The following GJB2 variants were observed in gnomAD, a reference collection of about 807,000 sequenced individuals.
GJB2 encodes gap junction beta-2 protein.
GJB2 carries 30 observed loss-of-function variants against 16.0 expected under a neutral mutation model. The ratio of observed to expected loss-of-function variants is 1.88; its 90% CI spans 1.41 to 2.55. The LOEUF (loss-of-function observed/expected upper bound fraction) is 2.55, where lower values mean the gene tolerates loss of function less well. Among genes scored for constraint, GJB2 ranks in the 30% most tolerant of loss-of-function variants. GJB2 has a pLI of 0.00. For synonymous variants in GJB2, 123 were observed against 119.1 expected (o/e 1.03, Z -0.21); for missense variants, 284 against 289.7 (o/e 0.98, Z 0.14).
At position 20,189,482 on chromosome 13, in the gene GJB2, TA is replaced by T. The variant is rs1566528961; in HGVS notation, c.99del (p.Met34Ter). On this transcript the variant is annotated frameshift_variant, in exon 2 of 2. Coordinates refer to ENST00000382848, the MANE Select transcript of GJB2 (RefSeq NM_004004.6). LOFTEE classifies it high-confidence loss of function. ...IWLTVLFIFRIMILVVAAKEV... is the reference protein window; with the variant it reads ...IWLTVLFIFRXMILVVAAKEV... ...TCCTTTGCAGCCACAACGAGGATCA[TA>T]ATGCGAAAAATGAAGAGGACGGTGA... 2.5e-6 allele frequency: 4 copies of T among 1,613,844 alleles called. No homozygotes were observed. The highest frequency in any genetic ancestry group is 8.5e-7 in the Non-Finnish European group (1 of 1,179,834).
At position 20,189,048 on chromosome 13, in the gene GJB2, CACAGTGTTGGG is replaced by C. The variant is rs876657693; in HGVS notation, c.523_533del (p.Pro175GlyfsTer31). On this transcript the variant is annotated frameshift_variant, in exon 2 of 2. Transcript: ENST00000382848. LOFTEE classifies it high-confidence loss of function. ...CCGTGGGCCGGGACACAAAGCAGTCCACAGTGTTGGGACAAGGCCAGGCGTTGCACTTCACC... is the reference window on the plus strand; with the variant it reads ...CCGTGGGCCGGGACACAAAGCAGTCCACAAGGCCAGGCGTTGCACTTCACC... 2.5e-6 allele frequency: 4 copies of C among 1,613,970 alleles called. No individual in the cohort carries two copies. The African/African-American group carries it at 5.3e-5, about 22-fold the overall frequency.
chr13:20,188,679 G>A lies in GJB2; in HGVS notation c.*222C>T, dbSNP rs1395303512. On this transcript the variant is annotated 3_prime_UTR_variant, in exon 2 of 2. Coordinates refer to ENST00000382848, the MANE Select transcript of GJB2 (RefSeq NM_004004.6). ...ACTAACTTAAGTGAAAGAAAATTAA[G>A]ACAGGCATAGAATTAGGCCTTTGTT... is the stretch of plus-strand genomic sequence containing the variant. The A allele has an allele frequency of 3.4e-6, 2 of 585,880 alleles. No individual in the cohort carries two copies. Among genetic ancestry groups the A allele is most frequent in the Non-Finnish European group, 6.1e-6 (2 of 330,518 alleles). 36.3% of individuals were successfully genotyped at this position (585,880 alleles called of 1,614,324 possible).
chr13:20,191,137 G>C (rs993631306), intron 1 of GJB2, among the ~76,000 whole-genome samples: 1 of 152,130 alleles, frequency 6.6e-6, no homozygotes, highest in African/African-American at 2.4e-5. Flanking sequence ...AGGCCCTTAG[G>C]TGAGCTGGTT....
rs966454529 is a variant in GJB2, at chr13:20,192,614, C to T, written c.-23+169G>A. Among the ~76,000 whole-genome samples the T allele has an allele frequency of 9.2e-5, 14 of 152,190 alleles. No individual in the cohort carries two copies. In the East Asian group the frequency reaches 2.5e-3, roughly 28 times the overall value. Reference sequence around the variant, plus strand: ...CCCCATTCCAGCTCCGGAGCTCGGCCGCAGAAACGCCCGCTCCAGAAGGCG... The same window carrying T: ...CCCCATTCCAGCTCCGGAGCTCGGCTGCAGAAACGCCCGCTCCAGAAGGCG... On this transcript the variant is annotated intron_variant, in intron 1 of 1. Coordinates refer to ENST00000382848, the MANE Select transcript of GJB2 (RefSeq NM_004004.6).
rs587783647 is a variant in GJB2 at position 20,188,931 on chromosome 13, ATATC to A, written c.647_650del (p.Arg216IlefsTer17). 16 of 1,613,444 alleles carry A rather than the reference ATATC, an allele frequency of 9.9e-6. No homozygotes were observed. The Admixed American group carries it at 2.7e-4, about 27-fold the overall frequency. On this transcript the variant is annotated frameshift_variant, in exon 2 of 2. Transcript: ENST00000382848. LOFTEE classifies it high-confidence loss of function. Reference sequence around the variant, plus strand: ...CTGGCTTTTTTGACTTCCCAGAACAATATCTAATTAGCAAATAACACAATTCAGT... The same window carrying A: ...CTGGCTTTTTTGACTTCCCAGAACAATAATTAGCAAATAACACAATTCAGT...
rs1959051501 is a variant in GJB2 at position 20,188,413 on chromosome 13, A to C, written c.*488T>G. 1 of 157,966 alleles carries C rather than the reference A, an allele frequency of 6.3e-6. No homozygotes were observed. The highest frequency in any genetic ancestry group is 6.2e-5 in the Admixed American group (1 of 16,212). The allele number at this position is 157,966 out of a possible 1,614,324, so 9.8% of individuals were successfully genotyped here. On this transcript the variant is annotated 3_prime_UTR_variant, in exon 2 of 2. Transcript: ENST00000382848. ...TGTAACAGAGTTTAAGGCACTGGTA[A>C]CTTTGTCCACTGTTAGAGATTAAAA... is the stretch of plus-strand genomic sequence containing the variant.
At position 20,188,200 on chromosome 13, in the gene GJB2, C is replaced by A. The variant is rs886204715; in HGVS notation, c.*701G>T. ...TGACCACAATGAATACAACAGACAG[C>A]CTCTCAGCTGTGCTGCAAAGTATTC... On this transcript the variant is annotated 3_prime_UTR_variant, in exon 2 of 2. Transcript: ENST00000382848. 1 of 152,258 alleles carries A rather than the reference C, an allele frequency of 6.6e-6. No homozygotes were observed. Among genetic ancestry groups the A allele is most frequent in the Non-Finnish European group, 1.5e-5 (1 of 68,084 alleles). 9.4% of individuals were successfully genotyped at this position (152,258 alleles called of 1,614,324 possible). A position where few individuals can be genotyped will look rare whatever the true frequency, so the allele number is the denominator to read the frequency against.
At chr13:20,191,202 C>T (rs543307836) in intron 1 of GJB2, among the ~76,000 whole-genome samples, 2 of 152,242 alleles carry the variant, frequency 1.3e-5, no homozygotes, top group Admixed American at 6.5e-5. Flanking sequence ...GCAGAACCAC[C>T]GAGGACAGCA....
intron 1 of GJB2, among the ~76,000 whole-genome samples, chr13:20,191,679 C>G (rs1331308464): frequency 1.3e-5 from 2 of 152,200 alleles, no homozygotes; most frequent in African/African-American, 4.8e-5. Context: ...AGCTTCCTAC[C>G]GGGCCCACGC....
chr13:20,190,321 A>T (rs763236909), intron 1 of GJB2, among the ~76,000 whole-genome samples: 3 of 152,214 alleles, frequency 2.0e-5, no homozygotes, highest in Admixed American at 6.5e-5. Flanking sequence ...CTTCATGGAG[A>T]AAAGCCACTG....
At chr13:20,190,804 CT>C (rs1959072146) in intron 1 of GJB2, among the ~76,000 whole-genome samples, 4 of 152,308 alleles carry the variant, frequency 2.6e-5, no homozygotes, top group South Asian at 4.1e-4. Flanking sequence ...GTGAATCCTC[CT>C]TCTTCTTTTT....
In GJB2 at chr13:20,188,764, AGGGGTT is replaced by A; in HGVS notation, c.*131_*136del. On this transcript the variant is annotated 3_prime_UTR_variant, in exon 2 of 2. Coordinates refer to ENST00000382848, the MANE Select transcript of GJB2 (RefSeq NM_004004.6). ...ATCTGGAGTTTCACCTGAGGCCTAC[AGGGGTT>A]TCAAATGGTTGCATTTAAGGTCAGA... The A allele has an allele frequency of 1.4e-6, 1 of 718,620 alleles. No individual in the cohort carries two copies. The highest frequency in any genetic ancestry group is 2.8e-4 in the Middle Eastern group (1 of 3,608). The allele number at this position is 718,620 out of a possible 1,614,324, so 44.5% of individuals were successfully genotyped here.
Position 20,187,690 on chromosome 13 carries a change from T to C in GJB2, c.*1211A>G, listed in dbSNP as rs1959047602. On this transcript the variant is annotated 3_prime_UTR_variant, in exon 2 of 2. Coordinates refer to ENST00000382848, the MANE Select transcript of GJB2 (RefSeq NM_004004.6). ...TGGCAATATTCAGGTTCAATCTTCC[T>C]ATAGATCTGCTCAATATTTATCTAA... is the stretch of plus-strand genomic sequence containing the variant. The C allele has an allele frequency of 6.6e-6, 1 of 152,232 alleles. No individual in the cohort carries two copies. Among genetic ancestry groups the C allele is most frequent in the South Asian group, 2.1e-4 (1 of 4,830 alleles). 9.4% of individuals were successfully genotyped at this position (152,232 alleles called of 1,614,324 possible).
chr13:20,191,847 C>T (rs1959078439), intron 1 of GJB2, among the ~76,000 whole-genome samples: 1 of 152,218 alleles, frequency 6.6e-6, no homozygotes. Context: ...GTCGACCTTG[C>T]CTGGCTGTCC....
In GJB2 at chr13:20,188,809, G is replaced by C. The variant is rs907581341; in HGVS notation, c.*92C>G. On this transcript the variant is annotated 3_prime_UTR_variant, in exon 2 of 2. Transcript: ENST00000382848. The stretch of plus-strand genomic sequence containing the variant: ...TTTAAGGTCAGAATCTTTGTGTTGG[G>C]AAATGCTAGCGACTGAGCCTTGACA... 4.1e-5 allele frequency: 41 copies of C among 1,011,758 alleles called. No individual in the cohort carries two copies. Among genetic ancestry groups the C allele is most frequent in the Non-Finnish European group, 5.9e-5 (38 of 640,450 alleles). The allele number at this position is 1,011,758 out of a possible 1,614,324, so 62.7% of individuals were successfully genotyped here. A position where few individuals can be genotyped will look rare whatever the true frequency, so the allele number is the denominator to read the frequency against.
At chr13:20,190,340 G>C (rs1225776480) in intron 1 of GJB2, among the ~76,000 whole-genome samples, 4 of 152,378 alleles carry the variant, frequency 2.6e-5, no homozygotes, top group Admixed American at 2.6e-4. Context: ...TGTGAGCACA[G>C]ACTTTCGTGT....
rs577361302 is a variant in GJB2 at position 20,192,908 on chromosome 13, G to A, written c.-148C>T. The A allele has an allele frequency of 6.5e-6, 1 of 152,936 alleles. No individual in the cohort carries two copies. Among genetic ancestry groups the A allele is most frequent in the South Asian group, 2.0e-4 (1 of 4,942 alleles). 9.5% of individuals were successfully genotyped at this position (152,936 alleles called of 1,614,324 possible). ...CCGCCGAGGGGCTCCGAGTCGGGGA[G>A]AGGAGCGCGCGGGCGCTGCGGGGCC... On this transcript the variant is annotated 5_prime_UTR_variant, in exon 1 of 2. Coordinates refer to ENST00000382848, the MANE Select transcript of GJB2 (RefSeq NM_004004.6).
rs779358271 is a variant in GJB2, at chr13:20,189,264, G to T, written c.318C>A (p.Phe106Leu). Reference sequence around the variant, plus strand: ...ATTCACTCTTTATCTCCCCCTTGATGAACTTCCTCTTCTTCTCATGTCTCC... The same window carrying T: ...ATTCACTCTTTATCTCCCCCTTGATTAACTTCCTCTTCTTCTCATGTCTCC... ...AYRRHEKKRKFIKGEIKSEFK... is the reference protein window; with the variant it reads ...AYRRHEKKRKLIKGEIKSEFK... The change falls in exon 2 of 2, where the codon TTC becomes TTA. Residue 106 changes from phenylalanine (F) to leucine (L), a missense_variant. Physicochemically the swap from Phe to Leu is conservative, Grantham distance 22. Transcript: ENST00000382848. 5.6e-6 allele frequency: 9 copies of T among 1,612,998 alleles called. No individual in the cohort carries two copies. In the African/African-American group the frequency reaches 9.3e-5, roughly 17 times the overall value.
At chr13:20,189,833 G>T (rs1959066142) in intron 1 of GJB2, 2 of 567,400 alleles carry the variant, frequency 3.5e-6, no homozygotes, top group Admixed American at 6.1e-5. Flanking sequence ...CTGATAAAAA[G>T]TAGCTTGTTC....
Sources: gnomAD v4.1 joint callset for allele counts (sites outside exome capture counted in the v4.1 genomes callset) on GRCh38, gnomAD v4.1.1 for gene constraint, MANE v1.5 for transcripts, NCBI Gene and HGNC (gene_info 2026-07-23, HGNC 2026-07-21) for gene names.